CLEC16A: variants seen among roughly 807,000 people sequenced by gnomAD.
CLEC16A encodes C-type lectin domain containing 16A.
A neutral mutation model predicts 109.5 loss-of-function variants in CLEC16A; 51 were observed. The observed-to-expected ratio is 0.47, with a 90% CI of 0.37 to 0.59. The LOEUF (loss-of-function observed/expected upper bound fraction) is 0.59, where lower values mean the gene tolerates loss of function less well. Among genes scored for constraint, CLEC16A ranks in the 20% least tolerant of loss-of-function variants. The pLI is 0.00. For synonymous variants in CLEC16A, 673 were observed against 564.2 expected (o/e 1.19, Z -2.73); for missense variants, 1,339 against 1,394.0 (o/e 0.96, Z 0.63).
chr16:11,012,836 T>C (rs2045517568), intron 11 of CLEC16A, among the ~76,000 whole-genome samples: 1 of 152,212 alleles, frequency 6.6e-6, no homozygotes, highest in South Asian at 2.1e-4. Flanking sequence ...TTTATTGTCA[T>C]GCATTTGTAT....
chr16:11,014,017 C>T (rs2045595053), intron 11 of CLEC16A, among the ~76,000 whole-genome samples: 1 of 152,114 alleles, frequency 6.6e-6, no homozygotes, highest in African/African-American at 2.4e-5. Flanking sequence ...CTTTCTCATT[C>T]TCATTGATTT....
At chr16:11,013,013 C>T (rs2045530118) in intron 11 of CLEC16A, among the ~76,000 whole-genome samples, 1 of 152,204 alleles carries the variant, frequency 6.6e-6, no homozygotes, top group Admixed American at 6.5e-5. Flanking sequence ...GACAAACTCA[C>T]ACGCCCCCAC....
intron 19 of CLEC16A, among the ~76,000 whole-genome samples, chr16:11,086,791 C>T (rs886293801): frequency 6.6e-6 from 1 of 152,118 alleles, no homozygotes; most frequent in African/African-American, 2.4e-5. Context: ...GATTGAGAGC[C>T]GAGACATTTA....
chr16:10,971,991 C>T (rs2042812949), intron 5 of CLEC16A, among the ~76,000 whole-genome samples: 1 of 152,198 alleles, frequency 6.6e-6, no homozygotes, highest in South Asian at 2.1e-4. Context: ...GGGACTCACT[C>T]CAGCCTAGCA....
At chr16:11,069,129 G>T (rs1166500437) in intron 19 of CLEC16A, among the ~76,000 whole-genome samples, 20 of 151,806 alleles carry the variant, frequency 1.3e-4, no homozygotes. Context: ...CATTGTGCCT[G>T]GCCATTTATT....
chr16:10,948,031 C>T (rs1054949434), intron 1 of CLEC16A, among the ~76,000 whole-genome samples: 27 of 152,116 alleles, frequency 1.8e-4, no homozygotes, highest in East Asian at 1.4e-3. Context: ...GTAGCTGGGA[C>T]TACAGGCGCC....
At chr16:11,084,787 C>A (rs1162424515) in intron 19 of CLEC16A, among the ~76,000 whole-genome samples, 1 of 152,192 alleles carries the variant, frequency 6.6e-6, no homozygotes, top group African/African-American at 2.4e-5. Context: ...CCCTTCCATT[C>A]CCCTGAAAAA....
intron 23 of CLEC16A, among the ~76,000 whole-genome samples, chr16:11,172,562 C>T (rs978765168): frequency 4.6e-5 from 7 of 152,130 alleles, no homozygotes; most frequent in Non-Finnish European, 8.8e-5. Flanking sequence ...TTTGGGGGAG[C>T]ACATAGTAGG....
In CLEC16A at chr16:11,179,824, T is replaced by A. The variant is rs928982488; in HGVS notation, c.*1134T>A. The A allele has an allele frequency of 3.3e-5, 5 of 152,442 alleles. No homozygotes were observed. Among genetic ancestry groups the A allele is most frequent in the Admixed American group, 6.5e-5 (1 of 15,290 alleles). 9.4% of individuals were successfully genotyped at this position (152,442 alleles called of 1,614,324 possible). On this transcript the variant is annotated 3_prime_UTR_variant, in exon 24 of 24. Coordinates refer to ENST00000409790, the MANE Select transcript of CLEC16A (RefSeq NM_015226.3). ...GAGTCTGTCACTCTCCCTCTGCTAC[T>A]GCTGCTGATCTGAATATGGAAACCC...
chr16:11,030,669 G>A (rs922785010), intron 13 of CLEC16A, among the ~76,000 whole-genome samples: 3 of 152,148 alleles, frequency 2.0e-5, no homozygotes, highest in Admixed American at 6.5e-5. Flanking sequence ...TTTTAAGACG[G>A]AGTCTCACTC....
intron 10 of CLEC16A, among the ~76,000 whole-genome samples, chr16:11,002,770 A>G (rs1213086329): frequency 6.6e-6 from 1 of 152,282 alleles, no homozygotes; most frequent in Non-Finnish European, 1.5e-5. Context: ...TTCACTTAAG[A>G]TAATCGTCCC....
chr16:10,994,413 C>T (rs1398702560), intron 10 of CLEC16A, among the ~76,000 whole-genome samples: 2 of 152,200 alleles, frequency 1.3e-5, no homozygotes, highest in African/African-American at 2.4e-5. Context: ...CCAATCACCT[C>T]CTTCTGGATG....
intron 22 of CLEC16A, among the ~76,000 whole-genome samples, chr16:11,164,198 C>G (rs1416355407): frequency 1.3e-5 from 2 of 152,238 alleles, no homozygotes; most frequent in Non-Finnish European, 2.9e-5. Context: ...AGGAAATACC[C>G]TCCACGCAAG....
intron 13 of CLEC16A, among the ~76,000 whole-genome samples, chr16:11,028,244 C>T (rs775039715): frequency 5.9e-5 from 9 of 152,192 alleles, no homozygotes; most frequent in Admixed American, 4.6e-4. Context: ...AAGCACCTCT[C>T]ATCAGAGTCT....
At chr16:11,172,142 G>A (rs903743569) in intron 23 of CLEC16A, among the ~76,000 whole-genome samples, 3 of 151,836 alleles carry the variant, frequency 2.0e-5, no homozygotes, top group African/African-American at 7.3e-5. Context: ...AGTCACACAT[G>A]CCACTGCACA....
chr16:11,030,727 C>T (rs188507623), intron 13 of CLEC16A, among the ~76,000 whole-genome samples: 12 of 152,326 alleles, frequency 7.9e-5, no homozygotes, highest in African/African-American at 2.6e-4. Context: ...TCGCTGCAAC[C>T]TCCGCCTCCC....
intron 22 of CLEC16A, among the ~76,000 whole-genome samples, chr16:11,152,336 C>T (rs1050112352): frequency 1.3e-5 from 2 of 152,238 alleles, no homozygotes; most frequent in Non-Finnish European, 2.9e-5. Flanking sequence ...AGGCGGGCGG[C>T]TGGTGTCTGC....
intron 8 of CLEC16A, among the ~76,000 whole-genome samples, chr16:10,978,654 A>G (rs1288855513): frequency 6.6e-6 from 1 of 152,186 alleles, no homozygotes; most frequent in Admixed American, 6.5e-5. Flanking sequence ...CCTGAGAGAC[A>G]GAGACAGAGT....
intron 14 of CLEC16A, chr16:11,040,988 G>T (rs1051388782): frequency 6.6e-6 from 1 of 152,274 alleles, no homozygotes; most frequent in South Asian, 2.1e-4. Flanking sequence ...TAGCCTGAAG[G>T]CCTCCTCCTC....
Sources: gnomAD v4.1 joint callset for allele counts (sites outside exome capture counted in the v4.1 genomes callset) on GRCh38, gnomAD v4.1.1 for gene constraint, MANE v1.5 for transcripts, NCBI Gene and HGNC (gene_info 2026-07-23, HGNC 2026-07-21) for gene names.